GULP1: variants seen among roughly 807,000 people sequenced by gnomAD.
GULP1 encodes the protein PTB domain-containing engulfment adapter protein 1.
Under a neutral mutation model 40.9 loss-of-function variants are expected in GULP1, and 19 were observed. That is an observed-to-expected ratio of 0.46 (90% CI 0.32 to 0.68). The LOEUF is 0.68. Among genes scored for constraint, GULP1 ranks in the 30% least tolerant of loss-of-function variants. GULP1 has a pLI of 0.03. For missense variants in GULP1, 312 were observed against 362.2 expected, an observed-to-expected ratio of 0.86 and a Z score of 1.12; for synonymous variants, 119 against 117.6, an observed-to-expected ratio of 1.01 and a Z score of -0.08.
At chr2:188,477,153 A>G (rs1261919642) in intron 2 of GULP1, among the ~76,000 whole-genome samples, 1 of 152,104 alleles carries the variant, frequency 6.6e-6, no homozygotes, top group Admixed American at 6.6e-5. Context: ...TGTACCAAAT[A>G]CTGTGCCAAG....
chr2:188,314,423 C>A (rs2038735091), intron 1 of GULP1, among the ~76,000 whole-genome samples: 1 of 151,964 alleles, frequency 6.6e-6, no homozygotes, highest in Non-Finnish European at 1.5e-5. Context: ...TTTATCCTCC[C>A]CCTCTCCATT....
chr2:188,588,466 T>C (rs1160421234), intron 11 of GULP1: 2 of 157,400 alleles, frequency 1.3e-5, no homozygotes, highest in African/African-American at 4.8e-5. Flanking sequence ...GGGTTTTCAT[T>C]TCTCTCTCTT....
At chr2:188,454,893 A>G (rs971115777) in intron 2 of GULP1, among the ~76,000 whole-genome samples, 1 of 152,114 alleles carries the variant, frequency 6.6e-6, no homozygotes, top group Non-Finnish European at 1.5e-5. Flanking sequence ...GGAGGCGGAC[A>G]TGGGAGGGAT....
intron 2 of GULP1, among the ~76,000 whole-genome samples, chr2:188,384,731 A>G (rs181705853): frequency 2.2e-4 from 34 of 152,316 alleles, no homozygotes; most frequent in African/African-American, 7.7e-4. Context: ...AATTGGGTAG[A>G]TACAGCCATT....
At chr2:188,559,679 C>T (rs1182301492) in intron 7 of GULP1, among the ~76,000 whole-genome samples, 3 of 152,082 alleles carry the variant, frequency 2.0e-5, no homozygotes, top group Admixed American at 2.0e-4. Context: ...GTTGGAAAGG[C>T]ATGATTGGCT....
intron 2 of GULP1, among the ~76,000 whole-genome samples, chr2:188,401,222 A>G (rs939833053): frequency 6.6e-6 from 1 of 152,160 alleles, no homozygotes; most frequent in Non-Finnish European, 1.5e-5. Context: ...AATGACATAT[A>G]GAAATAATTT....
At chr2:188,332,027 G>A (rs1043567858) in intron 1 of GULP1, among the ~76,000 whole-genome samples, 3 of 151,948 alleles carry the variant, frequency 2.0e-5, no homozygotes, top group African/African-American at 4.8e-5. Context: ...TAGCTCATAC[G>A]GCAACATTCC....
chr2:188,370,455 C>G (rs2047450672), intron 1 of GULP1, among the ~76,000 whole-genome samples: 1 of 152,180 alleles, frequency 6.6e-6, no homozygotes, highest in Non-Finnish European at 1.5e-5. Flanking sequence ...TTGAGACTTT[C>G]TTTGGATCTC....
intron 2 of GULP1, among the ~76,000 whole-genome samples, chr2:188,390,006 C>A (rs1214300292): frequency 1.3e-5 from 2 of 151,304 alleles, no homozygotes; most frequent in Non-Finnish European, 2.9e-5. Context: ...ACATATAGCA[C>A]GTTTTCTTTA....
rs1038152566 is a variant in GULP1 at position 188,308,865 on chromosome 2, G to A, written c.-172+16699G>A. Among the ~76,000 whole-genome samples the A allele has an allele frequency of 4.6e-5, 7 of 152,114 alleles. 1 individual carries two copies. The highest frequency in any genetic ancestry group is 1.7e-4 in the African/African-American group (7 of 41,424). On this transcript the variant is annotated intron_variant, in intron 1 of 11. Transcript: ENST00000409830. ...CGAACCTTGTATGCATCACTGAGAG[G>A]TATAAAAGAGAGTATCTGCCGTGGT...
At chr2:188,529,710 G>A (rs570622756) in intron 6 of GULP1, among the ~76,000 whole-genome samples, 78 of 152,208 alleles carry the variant, frequency 5.1e-4, no homozygotes, top group Admixed American at 1.7e-3. Flanking sequence ...AGTTTCCTCT[G>A]TAGCCTTTCT....
chr2:188,369,231 G>A (rs1191579175), intron 1 of GULP1, among the ~76,000 whole-genome samples: 3 of 151,612 alleles, frequency 2.0e-5, no homozygotes, highest in Admixed American at 2.0e-4. Flanking sequence ...AAAGTGGTGG[G>A]ATTACAGGTG....
At chr2:188,470,250 C>T in intron 2 of GULP1, among the ~76,000 whole-genome samples, 1 of 152,036 alleles carries the variant, frequency 6.6e-6, no homozygotes, top group East Asian at 1.9e-4. Flanking sequence ...TTGATTTGTT[C>T]ATGTTTTGAA....
chr2:188,446,603 G>A (rs184740284), intron 2 of GULP1, among the ~76,000 whole-genome samples: 8 of 152,242 alleles, frequency 5.3e-5, no homozygotes, highest in East Asian at 1.9e-4. Context: ...TGGATTATCT[G>A]TCTCTGCCAC....
At chr2:188,528,247 A>G (rs1167465537) in intron 5 of GULP1, among the ~76,000 whole-genome samples, 1 of 152,104 alleles carries the variant, frequency 6.6e-6, no homozygotes, top group Non-Finnish European at 1.5e-5. Context: ...AATACTATAT[A>G]TATGTTGTGT....
intron 1 of GULP1, among the ~76,000 whole-genome samples, chr2:188,329,236 T>C (rs2041209477): frequency 2.0e-5 from 3 of 152,226 alleles, no homozygotes; most frequent in South Asian, 4.1e-4. Context: ...CCAATGGTTC[T>C]ATATTTTACG....
At chr2:188,553,099 G>A (rs931698875) in intron 7 of GULP1, among the ~76,000 whole-genome samples, 2 of 151,734 alleles carry the variant, frequency 1.3e-5, no homozygotes, top group Non-Finnish European at 2.9e-5. Context: ...GGAGCAATTA[G>A]GTTTTTCTAG....
chr2:188,424,759 C>T (rs747880702), intron 2 of GULP1, among the ~76,000 whole-genome samples: 1 of 151,544 alleles, frequency 6.6e-6, no homozygotes, highest in African/African-American at 2.4e-5. Flanking sequence ...TAAGTTTTTC[C>T]ATAATTTTTT....
chr2:188,522,607 TA>T, intron 4 of GULP1, 148 bp from the exon 5 acceptor site: 1 of 228,538 alleles, frequency 4.4e-6, no homozygotes, highest in Admixed American at 5.6e-5. Context: ...TCATATAATA[TA>T]AAAATAATAT....
Sources: gnomAD v4.1 joint callset for allele counts (sites outside exome capture counted in the v4.1 genomes callset) on GRCh38, gnomAD v4.1.1 for gene constraint, MANE v1.5 for transcripts, NCBI Gene and HGNC (gene_info 2026-07-23, HGNC 2026-07-21) for gene names.